Variants in UBAC2 observed in about 807,000 individuals in gnomAD.
UBAC2 encodes ubiquitin-associated domain-containing protein 2.
In UBAC2, 26 loss-of-function variants were observed where a neutral mutation model predicts 44.0. The observed-to-expected ratio is 0.59, with a 90% CI of 0.43 to 0.82. The LOEUF (loss-of-function observed/expected upper bound fraction) is 0.82, where lower values mean the gene tolerates loss of function less well. Ranked by LOEUF, UBAC2 falls within the 40% of genes least tolerant of loss-of-function variation. The pLI is 0.00. For synonymous variants in UBAC2, 155 were observed against 154.3 expected (o/e 1.00, Z -0.04); for missense variants, 329 against 419.4 (o/e 0.78, Z 1.88).
intron 1 of UBAC2, among the ~76,000 whole-genome samples, chr13:99,226,902 A>G (rs1325707232): frequency 6.6e-6 from 1 of 152,234 alleles, no homozygotes; most frequent in African/African-American, 2.4e-5. Context: ...AGGTTGGATA[A>G]GACCGGCACC....
intron 4 of UBAC2, among the ~76,000 whole-genome samples, chr13:99,264,162 A>G (rs1187582915): frequency 6.6e-6 from 1 of 152,230 alleles, no homozygotes; most frequent in East Asian, 1.9e-4. Context: ...GTCTTGGAGC[A>G]GTGCTTTTCT....
At chr13:99,203,454 C>T (rs917549977) in intron 1 of UBAC2, among the ~76,000 whole-genome samples, 2 of 152,220 alleles carry the variant, frequency 1.3e-5, no homozygotes, top group African/African-American at 4.8e-5. Flanking sequence ...ATAACAGTCC[C>T]TTTCCAGGGA....
intron 4 of UBAC2, 125 bp from the exon 5 acceptor site, chr13:99,313,972 A>G: frequency 1.2e-6 from 1 of 836,190 alleles, no homozygotes; most frequent in Non-Finnish European, 1.8e-6. Context: ...GAAAATCAAT[A>G]TGTATATCTA....
At chr13:99,255,412 G>T (rs776554722) in intron 4 of UBAC2, 21 of 1,614,108 alleles carry the variant, frequency 1.3e-5, no homozygotes, top group Non-Finnish European at 1.6e-5. Flanking sequence ...TAGCAGAGGG[G>T]TGGTCGTGGT....
At chr13:99,237,929 T>A (rs1474299272) in intron 1 of UBAC2, among the ~76,000 whole-genome samples, 2 of 152,240 alleles carry the variant, frequency 1.3e-5, no homozygotes, top group Non-Finnish European at 2.9e-5. Context: ...CACTCCAGTT[T>A]GGGCGACAAA....
chr13:99,209,772 G>C (rs1398648952), intron 1 of UBAC2, among the ~76,000 whole-genome samples: 2 of 152,174 alleles, frequency 1.3e-5, no homozygotes, highest in Non-Finnish European at 2.9e-5. Context: ...CCAGGAGTTC[G>C]AGACCAGCCT....
chr13:99,267,848 G>C (rs1032097279), intron 4 of UBAC2, among the ~76,000 whole-genome samples: 2 of 152,172 alleles, frequency 1.3e-5, no homozygotes, highest in African/African-American at 4.8e-5. Context: ...CTAAGCTTCT[G>C]TAACAAACCG....
rs188585835 is a variant in UBAC2 at position 99,276,993 on chromosome 13, A to G, written c.389+32369A>G. 2.7e-3 allele frequency among the ~76,000 whole-genome samples: 405 copies of G among 152,294 alleles called. 2 individuals carry two copies. The highest frequency in any genetic ancestry group is 4.2e-3 in the Admixed American group (64 of 15,300). Reference sequence around the variant, plus strand: ...TGCAACCTTTGGGAAGTCAAATGTTAATCAGGTTGCCTCTCAGATTTCACC... The same window carrying G: ...TGCAACCTTTGGGAAGTCAAATGTTGATCAGGTTGCCTCTCAGATTTCACC... On this transcript the variant is annotated intron_variant, in intron 4 of 8. Transcript: ENST00000403766.
chr13:99,354,032 G>A (rs1271389355), intron 7 of UBAC2, among the ~76,000 whole-genome samples: 3 of 152,256 alleles, frequency 2.0e-5, no homozygotes, highest in Non-Finnish European at 4.4e-5. Flanking sequence ...AGCAATGGAG[G>A]TGTGTGCACA....
At chr13:99,364,314 G>C (rs1029875766) in intron 7 of UBAC2, among the ~76,000 whole-genome samples, 1 of 150,164 alleles carries the variant, frequency 6.7e-6, no homozygotes, top group Non-Finnish European at 1.5e-5. Context: ...GGATTATGTT[G>C]CTAGTTTTTC....
chr13:99,260,353 G>A (rs1047122912), intron 4 of UBAC2, among the ~76,000 whole-genome samples: 2 of 152,170 alleles, frequency 1.3e-5, no homozygotes, highest in Non-Finnish European at 2.9e-5. Flanking sequence ...TGTGTGTAGA[G>A]AAGAGGCATT....
intron 7 of UBAC2, among the ~76,000 whole-genome samples, chr13:99,344,996 G>A (rs1199986303): frequency 6.6e-6 from 1 of 152,228 alleles, no homozygotes; most frequent in African/African-American, 2.4e-5. Flanking sequence ...GAAAATCTGA[G>A]GAGAGAGCCA....
chr13:99,284,645 T>G (rs1040919162), intron 4 of UBAC2, among the ~76,000 whole-genome samples: 10 of 152,346 alleles, frequency 6.6e-5, no homozygotes, highest in Non-Finnish European at 1.0e-4. Flanking sequence ...ATAATGTCCT[T>G]TATGGCAAAA....
chr13:99,204,239 T>C (rs753148361), intron 1 of UBAC2, among the ~76,000 whole-genome samples: 2 of 152,186 alleles, frequency 1.3e-5, no homozygotes, highest in Non-Finnish European at 2.9e-5. Context: ...TCCTCGGTGC[T>C]GTGGGTTTAT....
At position 99,204,989 on chromosome 13, in the gene UBAC2, T is replaced by C. The variant is rs374380378; in HGVS notation, c.31+4050T>C. Among the ~76,000 whole-genome samples the C allele has an allele frequency of 4.2e-5, 6 of 142,812 alleles. No homozygotes were observed. In the South Asian group the frequency reaches 1.4e-3, roughly 34 times the overall value. 93.7% of individuals were successfully genotyped at this position (142,812 alleles called of 152,430 possible). ...TGTGATCTCAGCTCACTGCAACCTC[T>C]GCCTCCTGGGTTCAAGCAATTCTTC... On this transcript the variant is annotated intron_variant, in intron 1 of 8. Coordinates refer to ENST00000403766, the MANE Select transcript of UBAC2 (RefSeq NM_001144072.2).
At chr13:99,264,472 A>G (rs2043713874) in intron 4 of UBAC2, among the ~76,000 whole-genome samples, 1 of 152,230 alleles carries the variant, frequency 6.6e-6, no homozygotes, top group Admixed American at 6.5e-5. Context: ...GACACTAAGC[A>G]CTAGTTCTCT....
Position 99,386,158 on chromosome 13 carries a change from T to C in UBAC2, c.*823T>C, listed in dbSNP as rs2045617936. 6.6e-6 allele frequency: 1 copy of C among 152,234 alleles called. No homozygotes were observed. Among genetic ancestry groups the C allele is most frequent in the Non-Finnish European group, 1.5e-5 (1 of 68,076 alleles). The allele number at this position is 152,234 out of a possible 1,614,324, so 9.4% of individuals were successfully genotyped here. A position where few individuals can be genotyped will look rare whatever the true frequency, so the allele number is the denominator to read the frequency against. On this transcript the variant is annotated 3_prime_UTR_variant, in exon 9 of 9. Transcript: ENST00000403766. Reference sequence around the variant, plus strand: ...GGCAGGGCTAACTGCCTGGCCCTCCTGGCTCGCAGCCAGCCAGCCCCCTGG... The same window carrying C: ...GGCAGGGCTAACTGCCTGGCCCTCCCGGCTCGCAGCCAGCCAGCCCCCTGG...
rs368675351 is a variant in UBAC2, at chr13:99,340,307, G to A, written c.562-13G>A. 42 of 1,611,952 alleles carry A rather than the reference G, an allele frequency of 2.6e-5. No individual in the cohort carries two copies. Among genetic ancestry groups the A allele is most frequent in the Non-Finnish European group, 3.3e-5 (39 of 1,178,574 alleles). On this transcript the variant is annotated splice_polypyrimidine_tract_variant and intron_variant, in intron 6 of 8. Transcript: ENST00000403766. Reference sequence around the variant, plus strand: ...CTACATTTAAACAATCACATTGGACGTTTTTCTTCTAGATGTCCGGTCTGT... The same window carrying A: ...CTACATTTAAACAATCACATTGGACATTTTTCTTCTAGATGTCCGGTCTGT...
chr13:99,299,302 T>G (rs1378126524), intron 4 of UBAC2, among the ~76,000 whole-genome samples: 1 of 152,234 alleles, frequency 6.6e-6, no homozygotes, highest in Non-Finnish European at 1.5e-5. Context: ...AGCCATACAG[T>G]AGAATACAGG....
Sources: allele counts gnomAD v4.1 joint callset (sites outside exome capture counted in the v4.1 genomes callset), GRCh38; gene constraint gnomAD v4.1.1; transcripts MANE v1.5; gene names NCBI Gene and HGNC (gene_info 2026-07-23, HGNC 2026-07-21).